Variants in CNTN4 observed in about 807,000 individuals in gnomAD.
CNTN4 encodes contactin-4.
In CNTN4, 77 loss-of-function variants were observed where a neutral mutation model predicts 122.5. The observed-to-expected ratio is 0.63, with a 90% CI of 0.52 to 0.76. The LOEUF (loss-of-function observed/expected upper bound fraction) is 0.76. Among genes scored for constraint, CNTN4 ranks in the 30% least tolerant of loss-of-function variants. The pLI is 0.00. For synonymous variants in CNTN4, 512 were observed against 447.0 expected (o/e 1.15, Z -1.83); for missense variants, 1,256 against 1,259.1 (o/e 1.00, Z 0.04).
intron 2 of CNTN4, among the ~76,000 whole-genome samples, chr3:2,282,230 CATT>C (rs1203171597): frequency 6.6e-6 from 1 of 152,078 alleles, no homozygotes; most frequent in Non-Finnish European, 1.5e-5. Context: ...ATGTAGCAAA[CATT>C]ATAAAATTAC....
chr3:2,962,466 T>C (rs1233367819), intron 13 of CNTN4, among the ~76,000 whole-genome samples: 2 of 152,226 alleles, frequency 1.3e-5, no homozygotes, highest in South Asian at 4.1e-4. Flanking sequence ...ACAGGAATTT[T>C]ATTGGAAGGA....
At chr3:2,670,609 G>T (rs1201343012) in intron 4 of CNTN4, among the ~76,000 whole-genome samples, 1 of 152,122 alleles carries the variant, frequency 6.6e-6, no homozygotes, top group Non-Finnish European at 1.5e-5. Context: ...GGTTAATATT[G>T]TTATGTGCGA....
At chr3:2,257,879 A>G (rs1372626562) in intron 2 of CNTN4, among the ~76,000 whole-genome samples, 1 of 152,134 alleles carries the variant, frequency 6.6e-6, no homozygotes, top group East Asian at 1.9e-4. Flanking sequence ...TGGGGCCTAC[A>G]TGGTCAAACC....
At chr3:2,850,026 G>A (rs2093522101) in intron 7 of CNTN4, among the ~76,000 whole-genome samples, 1 of 142,242 alleles carries the variant, frequency 7.0e-6, no homozygotes, top group Non-Finnish European at 1.5e-5. Flanking sequence ...GTCTTGCTCT[G>A]TGGCCCAGAC....
chr3:3,004,458 C>T (rs1055303169), intron 14 of CNTN4, among the ~76,000 whole-genome samples: 1 of 152,162 alleles, frequency 6.6e-6, no homozygotes, highest in African/African-American at 2.4e-5. Context: ...ATATTTAAGG[C>T]AGAGTTACTG....
chr3:2,748,711 T>C (rs974094602), intron 6 of CNTN4, among the ~76,000 whole-genome samples: 1 of 152,218 alleles, frequency 6.6e-6, no homozygotes, highest in Non-Finnish European at 1.5e-5. Context: ...CAACATGTAT[T>C]GTTTCTGCAA....
At chr3:2,635,205 C>T (rs2082612353) in intron 4 of CNTN4, among the ~76,000 whole-genome samples, 2 of 152,058 alleles carry the variant, frequency 1.3e-5, no homozygotes, top group Admixed American at 1.3e-4. Context: ...CTCTATATCT[C>T]CTTGAAAAAT....
chr3:3,017,493 C>T (rs1160200330), intron 14 of CNTN4, among the ~76,000 whole-genome samples: 1 of 152,114 alleles, frequency 6.6e-6, no homozygotes, highest in Non-Finnish European at 1.5e-5. Flanking sequence ...AAAGCTTACC[C>T]CTAAAATCAG....
At chr3:2,732,082 A>G (rs567128602) in intron 4 of CNTN4, among the ~76,000 whole-genome samples, 9 of 152,212 alleles carry the variant, frequency 5.9e-5, no homozygotes, top group African/African-American at 9.7e-5. Flanking sequence ...GGCATGTGCT[A>G]AAATTACCTC....
intron 2 of CNTN4, among the ~76,000 whole-genome samples, chr3:2,319,182 C>T (rs746707370): frequency 3.3e-5 from 5 of 152,186 alleles, no homozygotes; most frequent in Non-Finnish European, 5.9e-5. Flanking sequence ...GCATACTAGG[C>T]TTTTAGCATC....
chr3:2,525,352 T>G (rs115873486), intron 3 of CNTN4, among the ~76,000 whole-genome samples: 3,832 of 152,286 alleles, frequency 0.025, 66 homozygotes, highest in Non-Finnish European at 0.041. Flanking sequence ...AAAATTGTCT[T>G]TCTTGACCTG....
intron 3 of CNTN4, among the ~76,000 whole-genome samples, chr3:2,526,128 C>G (rs113853512): frequency 1.5e-3 from 231 of 152,166 alleles, no homozygotes; most frequent in African/African-American, 5.1e-3. Flanking sequence ...CACATTTTAC[C>G]CATCCCTGGC....
chr3:2,875,768 A>G (rs1368881733), intron 8 of CNTN4, among the ~76,000 whole-genome samples: 1 of 152,240 alleles, frequency 6.6e-6, no homozygotes, highest in Non-Finnish European at 1.5e-5. Flanking sequence ...CAACACGTAC[A>G]GAGATAGAGT....
intron 3 of CNTN4, among the ~76,000 whole-genome samples, chr3:2,434,854 C>T (rs76833057): frequency 0.04 from 6,053 of 152,188 alleles, 156 homozygotes; most frequent in Non-Finnish European, 0.06. Context: ...TAATTCATGT[C>T]GCCAGCGTCC....
rs116501144 is a variant in CNTN4, at chr3:2,275,077, G to A, written c.-144-64101G>A. ...AGAATGTACACCCTAGGGAGATTAAGGTAAGAGTAAGAGAGATGTCTAAAC... is the reference window on the plus strand; with the variant it reads ...AGAATGTACACCCTAGGGAGATTAAAGTAAGAGTAAGAGAGATGTCTAAAC... On this transcript the variant is annotated intron_variant, in intron 2 of 24. Transcript: ENST00000418658. Among the ~76,000 whole-genome samples the A allele has an allele frequency of 8.0e-3, 1,222 of 152,276 alleles. 17 individuals carry two copies. Among genetic ancestry groups the A allele is most frequent in the African/African-American group, 0.028 (1,157 of 41,562 alleles).
intron 6 of CNTN4, among the ~76,000 whole-genome samples, chr3:2,769,928 G>T (rs1240322174): frequency 6.6e-6 from 1 of 152,162 alleles, no homozygotes; most frequent in Non-Finnish European, 1.5e-5. Flanking sequence ...TTGGGCCTTG[G>T]CACCTGTGCT....
chr3:2,422,365 C>T (rs1285182144), intron 3 of CNTN4, among the ~76,000 whole-genome samples: 1 of 152,178 alleles, frequency 6.6e-6, no homozygotes, highest in East Asian at 1.9e-4. Context: ...AATGGGATGT[C>T]TGAATTTGAT....
At position 2,599,186 on chromosome 3, in the gene CNTN4, G is replaced by A. The variant is rs192043302; in HGVS notation, c.55+27628G>A. ...CCATGGAGTGTAGAGTTGGAGGTTC[G>A]GCCAAAGCCCTCCTGGGCCACTCCT... On this transcript the variant is annotated intron_variant, in intron 4 of 24. Coordinates refer to ENST00000418658, the MANE Select transcript of CNTN4 (RefSeq NM_175607.3). 2.5e-3 allele frequency among the ~76,000 whole-genome samples: 379 copies of A among 152,200 alleles called. 3 individuals carry two copies. Among genetic ancestry groups the A allele is most frequent in the Non-Finnish European group, 3.9e-3 (268 of 68,008 alleles).
At chr3:2,588,155 G>A (rs1438674316) in intron 4 of CNTN4, among the ~76,000 whole-genome samples, 3 of 152,056 alleles carry the variant, frequency 2.0e-5, no homozygotes, top group Non-Finnish European at 4.4e-5. Context: ...AAAGACAACA[G>A]AAACAAATGT....
Sources: gnomAD v4.1 joint callset for allele counts (sites outside exome capture counted in the v4.1 genomes callset) on GRCh38, gnomAD v4.1.1 for gene constraint, MANE v1.5 for transcripts, NCBI Gene and HGNC (gene_info 2026-07-23, HGNC 2026-07-21) for gene names.